The following RBPMS variants were observed in gnomAD, a reference collection of about 807,000 sequenced individuals.
The protein encoded by RBPMS is RNA-binding protein with multiple splicing.
In RBPMS, 7 loss-of-function variants were observed where a neutral mutation model predicts 26.8. The observed-to-expected ratio is 0.26, with a 90% CI of 0.15 to 0.49. The LOEUF is 0.49. Among genes scored for constraint, RBPMS ranks in the 20% least tolerant of loss-of-function variants. The pLI is 0.98. For synonymous variants in RBPMS, 96 were observed against 93.3 expected (o/e 1.03, Z -0.17); for missense variants, 186 against 250.0 (o/e 0.74, Z 1.73).
At chr8:30,444,920 A>G (rs1813561878) in intron 1 of RBPMS, 1 of 152,258 alleles carries the variant, frequency 6.6e-6, no homozygotes, top group African/African-American at 2.4e-5. Context: ...TAAATCTTTT[A>G]ATCTGCTTTG....
Position 30,388,433 on chromosome 8 carries a change from A to T in RBPMS, c.66+3275A>T, listed in dbSNP as rs574616108. Among the ~76,000 whole-genome samples the T allele has an allele frequency of 4.5e-3, 661 of 146,536 alleles. 2 individuals are homozygous for T. The highest frequency in any genetic ancestry group is 7.1e-3 in the Non-Finnish European group (469 of 65,852). On this transcript the variant is annotated intron_variant, in intron 1 of 8. Transcript: ENST00000397323. Reference sequence around the variant, plus strand: ...TATAGCTATAGCTATAAGCTAACTTATAACTTATAGCTATAGCTATAAGCT... The same window carrying T: ...TATAGCTATAGCTATAAGCTAACTTTTAACTTATAGCTATAGCTATAAGCT...
intron 1 of RBPMS, among the ~76,000 whole-genome samples, chr8:30,443,297 G>A (rs1341245646): frequency 6.6e-6 from 1 of 152,064 alleles, no homozygotes; most frequent in African/African-American, 2.4e-5. Flanking sequence ...CTGCACTAAT[G>A]TTTTTGGTAA....
intron 4 of RBPMS, among the ~76,000 whole-genome samples, chr8:30,494,486 T>C (rs1378923619): frequency 6.6e-6 from 1 of 152,218 alleles, no homozygotes; most frequent in African/African-American, 2.4e-5. Context: ...AAATATGGAC[T>C]ATATTCATCC....
chr8:30,447,370 A>G (rs1813989450), intron 1 of RBPMS, among the ~76,000 whole-genome samples: 1 of 152,246 alleles, frequency 6.6e-6, no homozygotes, highest in African/African-American at 2.4e-5. Context: ...ATTTATTACT[A>G]CATAAAATAG....
intron 7 of RBPMS, chr8:30,562,050 A>T: frequency 1.0e-6 from 1 of 985,322 alleles, no homozygotes; most frequent in Non-Finnish European, 1.2e-6. Context: ...TATGTAATGG[A>T]CCAGGCGCAG....
chr8:30,496,206 T>G (rs1388763740), intron 4 of RBPMS, among the ~76,000 whole-genome samples: 1 of 151,240 alleles, frequency 6.6e-6, no homozygotes, highest in Non-Finnish European at 1.5e-5. Flanking sequence ...TCTTGCTCTG[T>G]CTCCCAGGCT....
chr8:30,388,245 T>C (rs866364345), intron 1 of RBPMS, among the ~76,000 whole-genome samples: 11 of 152,004 alleles, frequency 7.2e-5, no homozygotes, highest in Non-Finnish European at 5.9e-5. Context: ...ATTTTACAAT[T>C]GATAAAATGA....
At chr8:30,471,293 T>C (rs1437357764) in intron 1 of RBPMS, among the ~76,000 whole-genome samples, 1 of 152,210 alleles carries the variant, frequency 6.6e-6, no homozygotes, top group Non-Finnish European at 1.5e-5. Context: ...TTTCATTGTA[T>C]GATACAGATG....
intron 5 of RBPMS, among the ~76,000 whole-genome samples, chr8:30,534,524 C>T: frequency 6.6e-6 from 1 of 152,182 alleles, no homozygotes; most frequent in East Asian, 1.9e-4. Context: ...CACGGCTAGC[C>T]AGCATAGATG....
chr8:30,489,432 G>A (rs1329270510), intron 4 of RBPMS, among the ~76,000 whole-genome samples: 1 of 151,950 alleles, frequency 6.6e-6, no homozygotes, highest in Non-Finnish European at 1.5e-5. Flanking sequence ...CAAAGGACTG[G>A]TTTTTATTCC....
chr8:30,512,975 A>G (rs1821878875), intron 5 of RBPMS, among the ~76,000 whole-genome samples: 1 of 152,064 alleles, frequency 6.6e-6, no homozygotes, highest in Non-Finnish European at 1.5e-5. Context: ...ATTTGGAGGT[A>G]CACTTAGAAA....
intron 1 of RBPMS, among the ~76,000 whole-genome samples, chr8:30,426,029 C>G (rs1245156503): frequency 6.6e-6 from 1 of 152,212 alleles, no homozygotes; most frequent in Non-Finnish European, 1.5e-5. Context: ...CTGCAGGCTT[C>G]TCTGTCTCTT....
rs140383578 is a variant in RBPMS, at chr8:30,567,655, A to G, written c.*111+1295A>G. 1.1e-4 allele frequency among the ~76,000 whole-genome samples: 16 copies of G among 152,370 alleles called. No homozygotes were observed. The East Asian group carries it at 2.5e-3, about 24-fold the overall frequency. ...GTTAGACATGATTTTAAATGCAGCA[A>G]GTCAACCAAAGTATCAACAATGCAA... On this transcript the variant is annotated intron_variant, in intron 8 of 8. Transcript: ENST00000397323.
At chr8:30,476,431 A>C (rs1218964376) in intron 2 of RBPMS, among the ~76,000 whole-genome samples, 1 of 152,162 alleles carries the variant, frequency 6.6e-6, no homozygotes, top group Non-Finnish European at 1.5e-5. Context: ...TTAAACCTCT[A>C]GTTTTTTCAG....
At chr8:30,390,042 A>C (rs1279940923) in intron 1 of RBPMS, among the ~76,000 whole-genome samples, 1 of 152,228 alleles carries the variant, frequency 6.6e-6, no homozygotes, top group South Asian at 2.1e-4. Context: ...GTTTTATGCT[A>C]TGTGATGCCA....
chr8:30,534,164 T>C (rs1169557070), intron 5 of RBPMS, among the ~76,000 whole-genome samples: 4 of 152,058 alleles, frequency 2.6e-5, no homozygotes. Context: ...CTCTGACTTC[T>C]GAAAAACACA....
chr8:30,414,908 C>T (rs1422873538), intron 1 of RBPMS, among the ~76,000 whole-genome samples: 2 of 152,024 alleles, frequency 1.3e-5, no homozygotes, highest in African/African-American at 4.8e-5. Context: ...CCCCTACATT[C>T]TCCTTTTCCC....
At chr8:30,498,782 CA>C (rs1156443296) in intron 4 of RBPMS, among the ~76,000 whole-genome samples, 6 of 151,776 alleles carry the variant, frequency 4.0e-5, no homozygotes, top group Non-Finnish European at 7.4e-5. Context: ...TACACATAGG[CA>C]AAGGAGAGGG....
chr8:30,424,780 C>G (rs1045489944), intron 1 of RBPMS, among the ~76,000 whole-genome samples: 2 of 152,090 alleles, frequency 1.3e-5, no homozygotes, highest in African/African-American at 4.8e-5. Flanking sequence ...ACGGTAAAAG[C>G]GGTGCTCAGT....
Sources: allele counts gnomAD v4.1 joint callset (sites outside exome capture counted in the v4.1 genomes callset), GRCh38; gene constraint gnomAD v4.1.1; transcripts MANE v1.5; gene names NCBI Gene and HGNC (gene_info 2026-07-23, HGNC 2026-07-21).